ZNF251: variants seen among roughly 807,000 people sequenced by gnomAD.
The protein encoded by ZNF251 is zinc finger protein 251.
ZNF251 carries 14 observed loss-of-function variants against 13.5 expected under a neutral mutation model. The ratio of observed to expected loss-of-function variants is 1.04; its 90% CI spans 0.69 to 1.63. The LOEUF is 1.63. Ranked by LOEUF, ZNF251 falls within the 40% of genes most tolerant of loss-of-function variation. ZNF251 has a pLI of 0.00. For missense variants in ZNF251, 764 were observed against 834.9 expected (o/e 0.92, Z 1.05); for synonymous variants, 287 against 295.2 (o/e 0.97, Z 0.28).
chr8:144,741,091 C>A (rs901248484), intron 4 of ZNF251, among the ~76,000 whole-genome samples: 1 of 152,186 alleles, frequency 6.6e-6, no homozygotes, highest in Non-Finnish European at 1.5e-5. Flanking sequence ...TCCCAGTAGC[C>A]GGAAGGAGCC....
chr8:144,743,050 G>A (rs779960374), intron 4 of ZNF251, among the ~76,000 whole-genome samples: 57 of 152,020 alleles, frequency 3.7e-4, no homozygotes, highest in Admixed American at 2.7e-3. Context: ...TCATAGCTTC[G>A]TAGCTCATTT....
At chr8:144,729,396 G>A (rs1425059679) in intron 4 of ZNF251, among the ~76,000 whole-genome samples, 2 of 149,468 alleles carry the variant, frequency 1.3e-5, no homozygotes, top group South Asian at 4.3e-4. Flanking sequence ...GAGTGCAGTG[G>A]CGCAATCTCG....
chr8:144,743,403 G>A (rs1305078789), intron 4 of ZNF251, among the ~76,000 whole-genome samples: 1 of 152,150 alleles, frequency 6.6e-6, no homozygotes, highest in African/African-American at 2.4e-5. Context: ...CCCATTCTCT[G>A]GATGTGCCAC....
intron 4 of ZNF251, among the ~76,000 whole-genome samples, chr8:144,745,094 G>T (rs1359553270): frequency 6.6e-6 from 1 of 152,048 alleles, no homozygotes; most frequent in Non-Finnish European, 1.5e-5. Context: ...GGGAGCGGAG[G>T]AAAGTTACTG....
intron 4 of ZNF251, among the ~76,000 whole-genome samples, chr8:144,728,632 C>T (rs1046149202): frequency 1.4e-4 from 20 of 141,448 alleles, no homozygotes; most frequent in African/African-American, 4.4e-4. Context: ...CACTGCACTC[C>T]AGTCTGGGCG....
At chr8:144,731,285 C>T (rs113573176) in intron 4 of ZNF251, among the ~76,000 whole-genome samples, 8 of 152,254 alleles carry the variant, frequency 5.3e-5, no homozygotes, top group East Asian at 3.9e-4. Context: ...CATAGTTTCA[C>T]GAAACTATGC....
At chr8:144,732,274 A>T (rs1022806421) in intron 4 of ZNF251, among the ~76,000 whole-genome samples, 4 of 152,208 alleles carry the variant, frequency 2.6e-5, no homozygotes, top group African/African-American at 7.2e-5. Flanking sequence ...AAAACAAAGT[A>T]CATGATGGGT....
Position 144,722,473 on chromosome 8 carries a change from TGATGGA to T in ZNF251, c.1181_1186del (p.Leu394_His395del), listed in dbSNP as rs775850763. 3.7e-6 allele frequency: 6 copies of T among 1,614,076 alleles called. No individual in the cohort carries two copies. Among genetic ancestry groups the T allele is most frequent in the Non-Finnish European group, 5.1e-6 (6 of 1,179,970 alleles). Reference sequence around the variant, plus strand: ...GGGTTTCTCTCCAGTATGAACCCGATGATGGAGGAAAAGGCTTGAGCTCTGACTGAA... The same window carrying T: ...GGGTTTCTCTCCAGTATGAACCCGATGGAAAAGGCTTGAGCTCTGACTGAA... On this transcript the variant is annotated inframe_deletion, in exon 5 of 5. Coordinates refer to ENST00000292562, the MANE Select transcript of ZNF251 (RefSeq NM_138367.2). The surrounding 1 kb of genome is among the most constrained non-coding windows in gnomAD (Gnocchi z 4.8).
At chr8:144,732,767 G>C (rs531039497) in intron 4 of ZNF251, among the ~76,000 whole-genome samples, 6 of 141,558 alleles carry the variant, frequency 4.2e-5, no homozygotes, top group East Asian at 2.2e-4. Flanking sequence ...AGCCAAGATC[G>C]CACCACTGCA....
intron 4 of ZNF251, among the ~76,000 whole-genome samples, chr8:144,739,857 T>G (rs1586695947): frequency 3.3e-5 from 5 of 150,946 alleles, no homozygotes; most frequent in African/African-American, 1.2e-4. Context: ...ATGGCACCAC[T>G]GCACTCCAGC....
At chr8:144,746,355 T>C (rs541029068) in intron 4 of ZNF251, among the ~76,000 whole-genome samples, 230 of 152,372 alleles carry the variant, frequency 1.5e-3, no homozygotes, top group African/African-American at 5.4e-3. Context: ...GGTCATGGTA[T>C]ATAATTCTTT....
chr8:144,754,153 G>GC, intron 3 of ZNF251, 39 bp downstream of exon 3: 1 of 1,593,282 alleles, frequency 6.3e-7, no homozygotes, highest in Non-Finnish European at 8.6e-7. Flanking sequence ...CTCCTCAGAG[G>GC]CCCCCACTGC....
At chr8:144,755,369 C>T (rs908623934) in intron 1 of ZNF251, 36 bp downstream of exon 1, 94 of 1,286,332 alleles carry the variant, frequency 7.3e-5, no homozygotes, top group Non-Finnish European at 9.5e-5. Context: ...CCTGCCTGCC[C>T]GCTTGGCGCT....
At chr8:144,741,349 T>A (rs1298955369) in intron 4 of ZNF251, among the ~76,000 whole-genome samples, 4 of 152,106 alleles carry the variant, frequency 2.6e-5, no homozygotes, top group Non-Finnish European at 5.9e-5. Context: ...TGCACAGATG[T>A]ACACACACAC....
chr8:144,746,415 T>C (rs537765488), intron 4 of ZNF251, among the ~76,000 whole-genome samples: 7 of 152,388 alleles, frequency 4.6e-5, no homozygotes, highest in South Asian at 2.1e-4. Flanking sequence ...GATTTTTGCA[T>C]TTATGTTCAT....
intron 4 of ZNF251, among the ~76,000 whole-genome samples, chr8:144,749,891 T>C (rs1361541352): frequency 3.3e-5 from 5 of 150,872 alleles, no homozygotes; most frequent in African/African-American, 9.7e-5. Flanking sequence ...TTTCTTTTTT[T>C]TTTTTTTTTA....
chr8:144,748,288 A>G (rs1457148073), intron 4 of ZNF251, among the ~76,000 whole-genome samples: 2 of 150,370 alleles, frequency 1.3e-5, no homozygotes, highest in Non-Finnish European at 3.0e-5. Context: ...TGGCCAGGCT[A>G]GTCTTGAACT....
intron 4 of ZNF251, among the ~76,000 whole-genome samples, chr8:144,740,239 C>T (rs964460257): frequency 4.6e-5 from 7 of 151,364 alleles, no homozygotes; most frequent in African/African-American, 7.3e-5. Flanking sequence ...GAGCCGAGAT[C>T]GCGCCATTGC....
intron 4 of ZNF251, among the ~76,000 whole-genome samples, chr8:144,725,991 G>A (rs1194294972): frequency 6.6e-6 from 1 of 151,994 alleles, no homozygotes; most frequent in Non-Finnish European, 1.5e-5. Context: ...GAGGCCAGGA[G>A]TTTGAGACCA....
Sources: allele counts gnomAD v4.1 joint callset (sites outside exome capture counted in the v4.1 genomes callset), GRCh38; gene constraint gnomAD v4.1.1; non-coding constraint Gnocchi (gnomAD v3.1); transcripts MANE v1.5; gene names NCBI Gene and HGNC (gene_info 2026-07-23, HGNC 2026-07-21).